The following CFAP44 variants were observed in gnomAD, a reference collection of about 807,000 sequenced individuals.
CFAP44 encodes the protein cilia and flagella associated protein 44.
CFAP44 carries 134 observed loss-of-function variants against 216.2 expected under a neutral mutation model. The observed-to-expected ratio is 0.62, with a 90% CI of 0.54 to 0.72. The LOEUF (loss-of-function observed/expected upper bound fraction) is 0.72, where lower values mean the gene tolerates loss of function less well. Ranked by LOEUF, CFAP44 falls within the 30% of genes least tolerant of loss-of-function variation. The pLI, the probability that CFAP44 is intolerant of heterozygous loss-of-function variation, is 0.00. For synonymous variants in CFAP44, 700 were observed against 727.6 expected (o/e 0.96, Z 0.61); for missense variants, 2,035 against 2,182.1 (o/e 0.93, Z 1.34).
intron 15 of CFAP44, among the ~76,000 whole-genome samples, chr3:113,387,183 T>C (rs992217172): frequency 2.0e-5 from 3 of 152,178 alleles, no homozygotes; most frequent in Admixed American, 6.5e-5. Flanking sequence ...TTGGAGGGCA[T>C]GCAATATAGT....
At chr3:113,308,322 A>C in intron 28 of CFAP44, 54 bp from the exon 29 acceptor site, 3 of 1,337,460 alleles carry the variant, frequency 2.2e-6, no homozygotes, top group African/African-American at 1.5e-5. Context: ...TAAACTAAAT[A>C]CTAGATTTTT....
intron 21 of CFAP44, chr3:113,361,304 T>C (rs535591706): frequency 5.8e-4 from 128 of 219,976 alleles, no homozygotes; most frequent in African/African-American, 2.7e-3. Context: ...ATATTCAGCC[T>C]GAGCTAGTAA....
At chr3:113,401,108 T>C (rs909155159) in intron 11 of CFAP44, 132 bp downstream of exon 11, 15 of 701,884 alleles carry the variant, frequency 2.1e-5, no homozygotes, top group Middle Eastern at 3.0e-4. Flanking sequence ...TTCTCAAGAG[T>C]AGCACATGTT....
intron 28 of CFAP44, among the ~76,000 whole-genome samples, chr3:113,314,160 C>G (rs1950066430): frequency 6.6e-6 from 1 of 152,122 alleles, no homozygotes; most frequent in African/African-American, 2.4e-5. Context: ...CCTAATTTGA[C>G]AAAAGACAGG....
Position 113,306,244 on chromosome 3 carries a change from A to G in CFAP44, c.4715T>C (p.Ile1572Thr). The G allele has an allele frequency of 6.5e-7, 1 of 1,537,012 alleles. No individual in the cohort carries two copies. The highest frequency in any genetic ancestry group is 8.7e-7 in the Non-Finnish European group (1 of 1,146,750). ...ATATTCCTTTTTGAGGTTATCAACA[A>G]TTTTCTTTTCTTCAACTAAAGCCTC... The part of the protein sequence containing the change: ...IEEALVEEKK[I>T]VDNLKKEYDT... The change falls in exon 30 of 35, where the codon ATT becomes ACT. Residue 1572 changes from isoleucine (I) to threonine (T), a missense_variant. Transcript: ENST00000393845.
intron 28 of CFAP44, among the ~76,000 whole-genome samples, chr3:113,308,672 C>T (rs976086453): frequency 6.6e-6 from 1 of 151,962 alleles, no homozygotes; most frequent in East Asian, 1.9e-4. Context: ...CTGACTGCAA[C>T]CTTCACTTCC....
chr3:113,323,440 GAAC>G (rs1415199759), intron 28 of CFAP44, among the ~76,000 whole-genome samples: 2 of 152,128 alleles, frequency 1.3e-5, no homozygotes, highest in African/African-American at 4.8e-5. Context: ...ATAAGCACGG[GAAC>G]AACAGACACT....
intron 1 of CFAP44, 44 bp downstream of exon 1, chr3:113,441,409 G>T (rs1399930178): frequency 2.0e-6 from 2 of 985,936 alleles, no homozygotes; most frequent in Non-Finnish European, 1.2e-6. Flanking sequence ...ACAGATTTAA[G>T]GGGGAGGGTG....
rs369589077 is a variant in CFAP44, at chr3:113,404,606, C to T, written c.1006-590G>A. 2.6e-5 allele frequency among the ~76,000 whole-genome samples: 4 copies of T among 152,184 alleles called. 1 individual carries two copies. The highest frequency in any genetic ancestry group is 1.9e-4 in the East Asian group (1 of 5,190). On this transcript the variant is annotated intron_variant, in intron 8 of 34. Coordinates refer to ENST00000393845, the MANE Select transcript of CFAP44 (RefSeq NM_001164496.2). ...CTCTGTACCAAGCACTGGTTCAGTACTTTATATATGTTAAGTTATTTAATG... is the reference window on the plus strand; with the variant it reads ...CTCTGTACCAAGCACTGGTTCAGTATTTTATATATGTTAAGTTATTTAATG...
Position 113,401,711 on chromosome 3 carries a change from G to C in CFAP44, c.1199C>G (p.Ala400Gly). 1.9e-6 allele frequency: 3 copies of C among 1,612,688 alleles called. No homozygotes were observed. The highest frequency in any genetic ancestry group is 2.5e-6 in the Non-Finnish European group (3 of 1,179,354). ...CAATCCAGTCTCATCTATTACATCA[G>C]CAGTGTCTATTGTCTCAAAATCCCA... Reference protein sequence around the residue: ...RIWDFETIDTADVIDETGLLE... With the variant: ...RIWDFETIDTGDVIDETGLLE... Residue 400 changes from alanine (A) to glycine (G), a missense_variant, in exon 10 of 35, where the codon GCT becomes GGT. Ala to Gly is a moderately conservative substitution (Grantham distance 60). Around this residue, in one of 3 missense-constraint regions of CFAP44, gnomAD observed 1,883 missense variants for 2,023.7 expected, o/e 0.93. Coordinates refer to ENST00000393845, the MANE Select transcript of CFAP44 (RefSeq NM_001164496.2).
At chr3:113,402,387 G>C (rs1934167052) in intron 9 of CFAP44, among the ~76,000 whole-genome samples, 1 of 152,004 alleles carries the variant, frequency 6.6e-6, no homozygotes, top group South Asian at 2.1e-4. Flanking sequence ...TGTTCATTGG[G>C]AGAGGAGTCT....
Position 113,427,182 on chromosome 3 carries a change from C to A in CFAP44, c.253+5G>T. ...AATTACTGACAGAAAACTAATAATA[C>A]CTACCTGTAGTGCTTTGCAAATCAC... On this transcript the variant is annotated splice_donor_5th_base_variant and intron_variant, in intron 3 of 34. Transcript: ENST00000393845. 6.2e-7 allele frequency: 1 copy of A among 1,608,602 alleles called. No individual in the cohort carries two copies. Among genetic ancestry groups the A allele is most frequent in the Non-Finnish European group, 8.5e-7 (1 of 1,178,656 alleles).
At chr3:113,361,109 A>G in intron 21 of CFAP44, 1 of 201,832 alleles carries the variant, frequency 5.0e-6, no homozygotes, top group Non-Finnish European at 1.0e-5. Context: ...TTTGTGAATG[A>G]GTTACCCTTG....
intron 6 of CFAP44, among the ~76,000 whole-genome samples, chr3:113,415,718 G>A (rs1934626747): frequency 6.6e-6 from 1 of 152,140 alleles, no homozygotes; most frequent in South Asian, 2.1e-4. Context: ...TTGCACTGTG[G>A]TCTGAGAGAC....
chr3:113,322,517 C>T (rs567489943), intron 28 of CFAP44, among the ~76,000 whole-genome samples: 1 of 152,186 alleles, frequency 6.6e-6, no homozygotes, highest in South Asian at 2.1e-4. Flanking sequence ...CAGAGAAGTG[C>T]AAATCAAAAC....
chr3:113,305,171 T>C lies in CFAP44; in HGVS notation c.4759-19A>G, dbSNP rs2270785. ...TTTTCACCTGTAGAAAGCCCCGTGT[T>C]GTGAAATGGTGACAAGACTCAATAA... On this transcript the variant is annotated intron_variant, in intron 30 of 34. Transcript: ENST00000393845. The C allele has an allele frequency of 0.25, 375,024 of 1,529,848 alleles. 48,359 individuals carry two copies. Among genetic ancestry groups the C allele is most frequent in the African/African-American group, 0.45 (32,539 of 72,922 alleles). 94.8% of individuals were successfully genotyped at this position (1,529,848 alleles called of 1,614,324 possible).
chr3:113,387,433 C>A (rs1933679046), intron 15 of CFAP44, among the ~76,000 whole-genome samples: 1 of 152,128 alleles, frequency 6.6e-6, no homozygotes, highest in South Asian at 2.1e-4. Flanking sequence ...TCCAGACACA[C>A]CCTGGGACAG....
rs34231690 is a variant in CFAP44, at chr3:113,436,236, G to GT, written c.-5-2568dup. Reference sequence around the variant, plus strand: ...CTATGTTACTCTACAGTGAGTAACTGTTTTTTTTTTTAAATAAAGAATTAT... The same window carrying GT: ...CTATGTTACTCTACAGTGAGTAACTGTTTTTTTTTTTTAAATAAAGAATTAT... On this transcript the variant is annotated intron_variant, in intron 1 of 34. Transcript: ENST00000393845. Among the ~76,000 whole-genome samples, 732 of 146,936 alleles carry GT rather than the reference G, an allele frequency of 5.0e-3. 4 individuals are homozygous for GT. Among genetic ancestry groups the GT allele is most frequent in the South Asian group, 0.017 (78 of 4,608 alleles).
At chr3:113,294,885 T>A (rs1949866232) in intron 33 of CFAP44, 64 bp from the exon 34 acceptor site, 1 of 1,451,390 alleles carries the variant, frequency 6.9e-7, no homozygotes, top group African/African-American at 1.4e-5. Flanking sequence ...GAAAAATGAG[T>A]GTCCAGATTT....
Sources: allele counts gnomAD v4.1 joint callset (sites outside exome capture counted in the v4.1 genomes callset), GRCh38; gene constraint gnomAD v4.1.1; regional missense constraint gnomAD v4.1.1; transcripts MANE v1.5; gene names NCBI Gene and HGNC (gene_info 2026-07-23, HGNC 2026-07-21).